Variants in SEC63 observed in about 807,000 individuals in gnomAD.
SEC63 encodes translocation protein SEC63 homolog.
In SEC63, 56 loss-of-function variants were observed where a neutral mutation model predicts 116.2. The observed-to-expected ratio is 0.48, with a 90% CI of 0.39 to 0.60. The LOEUF (loss-of-function observed/expected upper bound fraction) is 0.60. Ranked by LOEUF, SEC63 falls within the 20% of genes least tolerant of loss-of-function variation. The pLI, the probability that SEC63 is intolerant of heterozygous loss-of-function variation, is 0.00. For missense variants in SEC63, 668 were observed against 900.0 expected, an observed-to-expected ratio of 0.74 and a Z score of 3.30; for synonymous variants, 273 against 294.6, an observed-to-expected ratio of 0.93 and a Z score of 0.75.
intron 3 of SEC63, among the ~76,000 whole-genome samples, chr6:107,923,692 A>ATTT (rs34366728): frequency 2.2e-5 from 3 of 139,110 alleles, no homozygotes; most frequent in Non-Finnish European, 3.1e-5. Context: ...CACCCAGGTA[A>ATTT]TTTTTTTTTT....
intron 5 of SEC63, 34 bp downstream of exon 5, chr6:107,913,332 A>G: frequency 7.8e-7 from 1 of 1,280,966 alleles, no homozygotes; most frequent in Non-Finnish European, 1.1e-6. Context: ...TATATACCAT[A>G]TCGCCAATAT....
intron 11 of SEC63, among the ~76,000 whole-genome samples, chr6:107,904,097 G>A (rs1347607961): frequency 5.2e-5 from 7 of 134,470 alleles, no homozygotes; most frequent in Non-Finnish European, 7.8e-5. Context: ...CAGCCTAGGC[G>A]ACAGAGTGAG....
At chr6:107,892,111 C>T (rs1358477028) in intron 16 of SEC63, among the ~76,000 whole-genome samples, 2 of 152,204 alleles carry the variant, frequency 1.3e-5, no homozygotes, top group Non-Finnish European at 2.9e-5. Flanking sequence ...TTCAGAGCTG[C>T]CAGGTAGGGA....
intron 4 of SEC63, among the ~76,000 whole-genome samples, chr6:107,918,275 A>T (rs1787461716): frequency 1.3e-5 from 2 of 152,102 alleles, no homozygotes; most frequent in Admixed American, 1.3e-4. Flanking sequence ...CTTTCAAAAG[A>T]TTACTGCTCA....
intron 18 of SEC63, among the ~76,000 whole-genome samples, chr6:107,880,293 A>G (rs1259872202): frequency 6.6e-6 from 1 of 152,238 alleles, no homozygotes; most frequent in Non-Finnish European, 1.5e-5. Flanking sequence ...TCGAGCAGAA[A>G]GCAGATTTAT....
chr6:107,944,269 T>A (rs190304890), intron 1 of SEC63, among the ~76,000 whole-genome samples: 9 of 152,254 alleles, frequency 5.9e-5, no homozygotes, highest in Admixed American at 5.2e-4. Flanking sequence ...AGGTTATGGG[T>A]CAAGAAGGTT....
intron 10 of SEC63, among the ~76,000 whole-genome samples, chr6:107,905,076 G>A (rs574187992): frequency 5.9e-5 from 9 of 152,314 alleles, no homozygotes; most frequent in African/African-American, 2.2e-4. Context: ...GCTAAATACA[G>A]GGGGAGAGAT....
intron 18 of SEC63, among the ~76,000 whole-genome samples, chr6:107,878,505 A>G (rs1786333090): frequency 6.6e-6 from 1 of 152,210 alleles, no homozygotes; most frequent in African/African-American, 2.4e-5. Flanking sequence ...CCCCACTTAG[A>G]GAATGCCTTT....
At chr6:107,906,865 AG>A in intron 8 of SEC63, 88 bp from the exon 9 acceptor site, 1 of 990,452 alleles carries the variant, frequency 1.0e-6, no homozygotes, top group Admixed American at 1.8e-5. Flanking sequence ...TTGAAAGTGA[AG>A]CACTTTTCTA....
intron 1 of SEC63, 137 bp downstream of exon 1, chr6:107,957,749 C>T (rs367992066): frequency 5.8e-5 from 53 of 921,114 alleles, no homozygotes; most frequent in East Asian, 3.4e-4. Context: ...CAGTGGCGGA[C>T]GCTGGACACA....
rs200748348 is a variant in SEC63 at position 107,875,020 on chromosome 6, ATTTTGT to A, written c.2034+1538_2034+1543del. Among the ~76,000 whole-genome samples the A allele has an allele frequency of 9.8e-3, 1,492 of 152,054 alleles. 58 individuals are homozygous for A. Among genetic ancestry groups the A allele is most frequent in the Admixed American group, 0.07 (1,071 of 15,230 alleles). ...AGTAGGCCTATGGAGAAGGTCCTGGATTTTGTTTTTGTTTTTGTTTTTTTTAAGAGA... is the reference window on the plus strand; with the variant it reads ...AGTAGGCCTATGGAGAAGGTCCTGGATTTTGTTTTTGTTTTTTTTAAGAGA... On this transcript the variant is annotated intron_variant, in intron 19 of 20. Coordinates refer to ENST00000369002, the MANE Select transcript of SEC63 (RefSeq NM_007214.5).
chr6:107,934,374 G>A (rs1241771670), intron 1 of SEC63, among the ~76,000 whole-genome samples: 2 of 150,720 alleles, frequency 1.3e-5, no homozygotes, highest in Non-Finnish European at 3.0e-5. Context: ...CTGCCCGGCC[G>A]CCCATCGCCT....
chr6:107,889,633 A>C (rs1431139953), intron 16 of SEC63, among the ~76,000 whole-genome samples: 1 of 150,354 alleles, frequency 6.7e-6, no homozygotes, highest in East Asian at 2.0e-4. Flanking sequence ...CTAGCTTTTG[A>C]ATTTGTTTGC....
chr6:107,890,998 A>C (rs1786667812), intron 16 of SEC63, among the ~76,000 whole-genome samples: 1 of 152,104 alleles, frequency 6.6e-6, no homozygotes, highest in Admixed American at 6.6e-5. Context: ...GGCTCCCTTT[A>C]ACATTTTTTC....
Position 107,934,942 on chromosome 6 carries a change from T to TG in SEC63, c.125-5429dup, listed in dbSNP as rs1241862323. On this transcript the variant is annotated intron_variant, in intron 1 of 20. Coordinates refer to ENST00000369002, the MANE Select transcript of SEC63 (RefSeq NM_007214.5). The stretch of plus-strand genomic sequence containing the variant: ...CCAGCCACCCCGTCCAGGAGGGAGG[T>TG]GGGGGGGTCAGCCCCCTGCCCGGCC... Among the ~76,000 whole-genome samples the TG allele has an allele frequency of 2.2e-3, 143 of 64,782 alleles. 1 individual carries two copies. Among genetic ancestry groups the TG allele is most frequent in the Non-Finnish European group, 3.5e-3 (120 of 34,342 alleles). 42.5% of individuals were successfully genotyped at this position (64,782 alleles called of 152,430 possible). A position where few individuals can be genotyped will look rare whatever the true frequency, so the allele number is the denominator to read the frequency against.
At chr6:107,922,323 T>G (rs6909749) in intron 3 of SEC63, among the ~76,000 whole-genome samples, 1 of 152,132 alleles carries the variant, frequency 6.6e-6, no homozygotes, top group African/African-American at 2.4e-5. Context: ...GGCCAACATA[T>G]AGTGAAACCC....
At chr6:107,904,080 T>C (rs1254437264) in intron 11 of SEC63, among the ~76,000 whole-genome samples, 1 of 142,568 alleles carries the variant, frequency 7.0e-6, no homozygotes, top group Non-Finnish European at 1.5e-5. Context: ...ATCGCGCCAC[T>C]GCACTCCAGC....
In SEC63 at chr6:107,869,641, C is replaced by T. The variant is rs1562309571; in HGVS notation, c.*2063G>A. 1.3e-5 allele frequency: 2 copies of T among 152,152 alleles called. No homozygotes were observed. Among genetic ancestry groups the T allele is most frequent in the Non-Finnish European group, 2.9e-5 (2 of 68,040 alleles). 9.4% of individuals were successfully genotyped at this position (152,152 alleles called of 1,614,324 possible). ...ATCAACTGAAGGCTCAGTTCTTTCA[C>T]TACTGCCATATGGAAAGAGGTTACC... On this transcript the variant is annotated 3_prime_UTR_variant, in exon 21 of 21. Transcript: ENST00000369002.
intron 6 of SEC63, 36 bp downstream of exon 6, chr6:107,912,680 A>G (rs1308522671): frequency 1.5e-6 from 2 of 1,368,116 alleles, no homozygotes; most frequent in Non-Finnish European, 2.1e-6. Context: ...AATTTTGTCT[A>G]ATACATCATA....
Sources: gnomAD v4.1 joint callset for allele counts (sites outside exome capture counted in the v4.1 genomes callset) on GRCh38, gnomAD v4.1.1 for gene constraint, MANE v1.5 for transcripts, NCBI Gene and HGNC (gene_info 2026-07-23, HGNC 2026-07-21) for gene names.